Variants in BLTP2 observed in about 807,000 individuals in gnomAD.
The protein encoded by BLTP2 is bridge-like lipid transfer protein family member 2, also known as U937-associated antigen.
At chr17:28,617,128 G>T in the BLTP2 span, 1 of 1,199,346 alleles carries the variant, frequency 8.3e-7, no homozygotes, top group Non-Finnish European at 1.2e-6. Context: ...CACCCTCTCA[G>T]ATCACCACAT....
At chr17:28,619,986 C>G in the BLTP2 span, 4 of 1,613,726 alleles carry the variant, frequency 2.5e-6, no homozygotes, top group Middle Eastern at 1.6e-4. Flanking sequence ...CAAGCTGGAA[C>G]CTGACCCGTT....
chr17:28,628,310 T>A, the BLTP2 span: 1 of 1,614,164 alleles, frequency 6.2e-7, no homozygotes, highest in African/African-American at 1.3e-5. Context: ...CTGGGAGTGT[T>A]AACACGAGGT....
chr17:28,627,441 C>G, the BLTP2 span, among the ~76,000 whole-genome samples: 1 of 151,256 alleles, frequency 6.6e-6, no homozygotes, highest in African/African-American at 2.4e-5. Context: ...GAGACTTGCT[C>G]TGTGGCCCAG....
the BLTP2 span, chr17:28,643,584 G>A: frequency 6.2e-7 from 1 of 1,604,056 alleles, no homozygotes; most frequent in Non-Finnish European, 8.5e-7. Context: ...TCTTCTAGGG[G>A]AGAAGTGAGA....
chr17:28,639,308 G>C, the BLTP2 span: 44 of 1,613,936 alleles, frequency 2.7e-5, no homozygotes, highest in Admixed American at 5.3e-4. Context: ...AAAAAGATCA[G>C]ACTGACCTTT....
chr17:28,638,525 CA>C, the BLTP2 span: 1 of 1,607,916 alleles, frequency 6.2e-7, no homozygotes, highest in South Asian at 1.1e-5. Flanking sequence ...GAGCCTTACC[CA>C]GAGAGATAGA....
chr17:28,616,531 A>G, the BLTP2 span: 1 of 1,614,160 alleles, frequency 6.2e-7, no homozygotes, highest in African/African-American at 1.3e-5. The surrounding 1 kb of genome is among the most constrained non-coding windows in gnomAD (Gnocchi z 4.8). Flanking sequence ...CAAGTGTACC[A>G]GCTGTCATCC....
chr17:28,643,647 G>T, the BLTP2 span: 4 of 1,614,056 alleles, frequency 2.5e-6, no homozygotes, highest in Non-Finnish European at 3.4e-6. Context: ...GAAATCCACA[G>T]GTTATCAATT....
chr17:28,634,967 C>A, the BLTP2 span: 8 of 1,613,712 alleles, frequency 5.0e-6, no homozygotes, highest in Non-Finnish European at 6.8e-6. Context: ...AAGTGCTCAA[C>A]CTTTAAGAGT....
the BLTP2 span, among the ~76,000 whole-genome samples, chr17:28,636,282 C>T: frequency 1.3e-5 from 2 of 152,124 alleles, no homozygotes; most frequent in African/African-American, 4.8e-5. Flanking sequence ...GAACTAACGC[C>T]CCACCCTCCT....
At chr17:28,641,989 C>A in the BLTP2 span, 1 of 1,614,210 alleles carries the variant, frequency 6.2e-7, no homozygotes, top group South Asian at 1.1e-5. Flanking sequence ...TCCACACATC[C>A]ACAGTGATAG....
chr17:28,623,489 T>C, the BLTP2 span, among the ~76,000 whole-genome samples: 1 of 151,982 alleles, frequency 6.6e-6, no homozygotes, highest in Admixed American at 6.6e-5. Context: ...TGAACATTAA[T>C]AGGGATCAGC....
the BLTP2 span, chr17:28,643,982 T>C: frequency 1.3e-6 from 2 of 1,523,696 alleles, no homozygotes; most frequent in Admixed American, 4.3e-5. Flanking sequence ...ATTTCTATTT[T>C]TAAAAAAAGG....
chr17:28,641,925 C>T, the BLTP2 span: 1 of 1,613,916 alleles, frequency 6.2e-7, no homozygotes, highest in Non-Finnish European at 8.5e-7. Flanking sequence ...AGGCTTGGGC[C>T]CTGGCACAGC....
chr17:28,620,724 C>G, the BLTP2 span: 1 of 1,401,252 alleles, frequency 7.1e-7, no homozygotes, highest in African/African-American at 1.4e-5. Context: ...CCCCACTAGT[C>G]AACCCCACAG....
chr17:28,638,213 A>G, the BLTP2 span: 3 of 1,602,476 alleles, frequency 1.9e-6, no homozygotes, highest in Non-Finnish European at 2.6e-6. Context: ...AGGATGAGGA[A>G]AGCTGTGCAG....
At chr17:28,619,552 G>A in the BLTP2 span, 4 of 1,408,590 alleles carry the variant, frequency 2.8e-6, no homozygotes, top group Non-Finnish European at 3.9e-6. Flanking sequence ...ATCAGCCTTT[G>A]ATAATGCACA....
chr17:28,616,853 C>T, the BLTP2 span: 5 of 1,605,364 alleles, frequency 3.1e-6, no homozygotes, highest in East Asian at 4.5e-5. The surrounding 1 kb of genome is among the most constrained non-coding windows in gnomAD (Gnocchi z 4.8). Flanking sequence ...TTTGAATGTC[C>T]CTTGTTCCCA....
chr17:28,615,960 G>A, the BLTP2 span: 3 of 997,936 alleles, frequency 3.0e-6, no homozygotes, highest in Non-Finnish European at 4.6e-6. Context: ...GACTCTTGAG[G>A]GGAGCAGAGG....
Sources: gnomAD v4.1 joint callset for allele counts (sites outside exome capture counted in the v4.1 genomes callset) on GRCh38, gnomAD v4.1.1 for gene constraint, Gnocchi (gnomAD v3.1) non-coding constraint, MANE v1.5 for transcripts, NCBI Gene and HGNC (gene_info 2026-07-23, HGNC 2026-07-21) for gene names.